ABLIM3: variants seen among roughly 807,000 people sequenced by gnomAD.
The protein encoded by ABLIM3 is actin binding LIM protein family member 3, also known as actin-binding LIM protein 3.
Under a neutral mutation model 109.5 loss-of-function variants are expected in ABLIM3, and 61 were observed. The ratio of observed to expected loss-of-function variants is 0.56; its 90% CI spans 0.45 to 0.69. The LOEUF (loss-of-function observed/expected upper bound fraction) is 0.69, where lower values mean the gene tolerates loss of function less well. ABLIM3 is among the 30% of genes least tolerant of loss of function. The probability of loss-of-function intolerance (pLI) is 0.00; values close to 1 mark genes in which losing one functional copy is unlikely to be tolerated. For missense variants in ABLIM3, 796 were observed against 889.5 expected (o/e 0.89, Z 1.34); for synonymous variants, 300 against 324.8 (o/e 0.92, Z 0.82).
At chr5:149,172,412 C>T (rs1368937471) in intron 2 of ABLIM3, among the ~76,000 whole-genome samples, 1 of 152,138 alleles carries the variant, frequency 6.6e-6, no homozygotes, top group African/African-American at 2.4e-5. Context: ...AAAACCACCG[C>T]CTGCCCCTGA....
intron 23 of ABLIM3, among the ~76,000 whole-genome samples, chr5:149,257,414 A>G (rs1370600575): frequency 6.6e-6 from 1 of 152,246 alleles, no homozygotes; most frequent in African/African-American, 2.4e-5. Flanking sequence ...AATTGCTACC[A>G]ACAAGCCAGC....
intron 22 of ABLIM3, 89 bp downstream of exon 22, chr5:149,252,297 G>A (rs1026271219): frequency 5.3e-5 from 77 of 1,462,344 alleles, no homozygotes; most frequent in Non-Finnish European, 6.9e-5. Context: ...CACTGTCTAT[G>A]TAGGGAAGGG....
chr5:149,195,057 A>G (rs562134611), intron 3 of ABLIM3, among the ~76,000 whole-genome samples: 80 of 152,356 alleles, frequency 5.3e-4, no homozygotes, highest in African/African-American at 1.9e-3. Context: ...CATAAAATCC[A>G]GTCTCATTCA....
In ABLIM3 at chr5:149,247,886, G is replaced by C. The variant is rs1753541404; in HGVS notation, c.1656G>C (p.Arg552=). 1.2e-6 allele frequency: 2 copies of C among 1,614,220 alleles called. No individual in the cohort carries two copies. Among genetic ancestry groups the C allele is most frequent in the East Asian group, 4.5e-5 (2 of 44,882 alleles). The change falls in exon 18 of 24, where the codon CGG becomes CGC. Residue 552 remains arginine, a synonymous_variant. Transcript: ENST00000309868. ...WTPPRSSTSS[R]EALHTAGYEM... is the part of the protein sequence containing the mutation. ...CTCCCCGGAGCTCCACCAGCAGCCGGGAAGCCCTGCACACAGCTGGCTATG... is the reference window on the plus strand; with the variant it reads ...CTCCCCGGAGCTCCACCAGCAGCCGCGAAGCCCTGCACACAGCTGGCTATG...
At chr5:149,166,856 G>C (rs1754884554) in intron 2 of ABLIM3, among the ~76,000 whole-genome samples, 1 of 152,188 alleles carries the variant, frequency 6.6e-6, no homozygotes, top group South Asian at 2.1e-4. Flanking sequence ...ATATGTAAAT[G>C]AGTAAGCAAG....
intron 13 of ABLIM3, 129 bp from the exon 14 acceptor site, chr5:149,240,547 G>A (rs991364234): frequency 1.2e-5 from 9 of 726,560 alleles, no homozygotes; most frequent in African/African-American, 1.2e-4. Context: ...ACCTGAGCAC[G>A]CTGAGACGCC....
intron 8 of ABLIM3, among the ~76,000 whole-genome samples, chr5:149,222,839 C>T (rs915025117): frequency 8.6e-5 from 13 of 151,954 alleles, no homozygotes; most frequent in African/African-American, 7.3e-5. Context: ...TCATCATCTA[C>T]GCATTTCATG....
In ABLIM3 at chr5:149,259,493, C is replaced by A. The variant is rs1377380961; in HGVS notation, c.*1089C>A. The A allele has an allele frequency of 2.6e-6, 4 of 1,535,968 alleles. No homozygotes were observed. The African/African-American group carries it at 5.5e-5, about 21-fold the overall frequency. On this transcript the variant is annotated 3_prime_UTR_variant, in exon 24 of 24. Coordinates refer to ENST00000309868, the MANE Select transcript of ABLIM3 (RefSeq NM_014945.5). Reference sequence around the variant, plus strand: ...TCTGTGGGCTGGCAGGGCAACCATACCATACCCCCGCCAGTCCTCGGCTCC... The same window carrying A: ...TCTGTGGGCTGGCAGGGCAACCATAACATACCCCCGCCAGTCCTCGGCTCC...
intron 9 of ABLIM3, among the ~76,000 whole-genome samples, chr5:149,232,693 TAAGACTGGCATC>T (rs1404082715): frequency 2.6e-5 from 4 of 152,210 alleles, no homozygotes; most frequent in African/African-American, 9.6e-5. Flanking sequence ...TCTTATGCAT[TAAGACTGGCATC>T]ATGCTGCTCT....
intron 2 of ABLIM3, among the ~76,000 whole-genome samples, chr5:149,147,692 AGT>A (rs1753060214): frequency 6.6e-6 from 1 of 152,194 alleles, no homozygotes; most frequent in African/African-American, 2.4e-5. Context: ...GTCTTTGAGC[AGT>A]GATAAGAGTT....
chr5:149,169,346 C>G (rs530462786), intron 2 of ABLIM3, among the ~76,000 whole-genome samples: 66 of 152,054 alleles, frequency 4.3e-4, no homozygotes, highest in Non-Finnish European at 8.5e-4. Flanking sequence ...TTAAGGGGAT[C>G]TCCCCTCAGA....
intron 23 of ABLIM3, among the ~76,000 whole-genome samples, chr5:149,256,789 T>A (rs893491607): frequency 1.3e-5 from 2 of 152,374 alleles, no homozygotes. Context: ...AGGATCTGGA[T>A]AGTGGACATG....
At position 149,249,943 on chromosome 5, in the gene ABLIM3, G is replaced by A. The variant is rs973509548; in HGVS notation, c.1729+99G>A. 5.7e-6 allele frequency: 8 copies of A among 1,414,430 alleles called. No individual in the cohort carries two copies. In the African/African-American group the frequency reaches 1.1e-4, roughly 20 times the overall value. 87.6% of individuals were successfully genotyped at this position (1,414,430 alleles called of 1,614,324 possible). A position where few individuals can be genotyped will look rare whatever the true frequency, so the allele number is the denominator to read the frequency against. ...ATAGTTCTAATGACCATACAATGTG[G>A]ATGTCCCAGCCCACTCCTGATCTCA... On this transcript the variant is annotated intron_variant, in intron 19 of 23. Transcript: ENST00000309868.
At chr5:149,170,264 C>G (rs1431239177) in intron 2 of ABLIM3, among the ~76,000 whole-genome samples, 1 of 134,566 alleles carries the variant, frequency 7.4e-6, no homozygotes, top group South Asian at 2.5e-4. Flanking sequence ...CTCTCTCTCT[C>G]CTTCTCCCTC....
intron 2 of ABLIM3, among the ~76,000 whole-genome samples, chr5:149,156,214 C>T (rs1007099730): frequency 6.6e-6 from 1 of 152,308 alleles, no homozygotes; most frequent in East Asian, 1.9e-4. Flanking sequence ...AAGGCTAGAT[C>T]GTATATTTGA....
chr5:149,200,058 C>A, intron 4 of ABLIM3, among the ~76,000 whole-genome samples: 1 of 152,196 alleles, frequency 6.6e-6, no homozygotes, highest in Non-Finnish European at 1.5e-5. Flanking sequence ...CTACTTCTTA[C>A]AGCCTAGACA....
chr5:149,182,345 G>T (rs1366443826), intron 2 of ABLIM3, among the ~76,000 whole-genome samples: 1 of 152,138 alleles, frequency 6.6e-6, no homozygotes. Context: ...AGAAGTTTTT[G>T]GACTATTCCT....
At chr5:149,166,703 C>T (rs1754870109) in intron 2 of ABLIM3, among the ~76,000 whole-genome samples, 1 of 152,210 alleles carries the variant, frequency 6.6e-6, no homozygotes, top group South Asian at 2.1e-4. Flanking sequence ...GAACTCTTTG[C>T]CTTTGCAAAC....
At chr5:149,160,095 ATAGCAAACAT>A (rs1023818812) in intron 2 of ABLIM3, among the ~76,000 whole-genome samples, 1 of 152,170 alleles carries the variant, frequency 6.6e-6, no homozygotes, top group African/African-American at 2.4e-5. Context: ...CTCCCAAAGC[ATAGCAAACAT>A]TAGCAAACAA....
Sources: gnomAD v4.1 joint callset for allele counts (sites outside exome capture counted in the v4.1 genomes callset) on GRCh38, gnomAD v4.1.1 for gene constraint, MANE v1.5 for transcripts, NCBI Gene and HGNC (gene_info 2026-07-23, HGNC 2026-07-21) for gene names.